Variants in ACTA2 observed in about 807,000 individuals in gnomAD.
The protein encoded by ACTA2 is actin, aortic smooth muscle.
In ACTA2, 12 loss-of-function variants were observed where a neutral mutation model predicts 39.5. The observed-to-expected ratio is 0.30, with a 90% CI of 0.19 to 0.49. The LOEUF (loss-of-function observed/expected upper bound fraction) is 0.49. Ranked by LOEUF, ACTA2 falls within the 20% of genes least tolerant of loss-of-function variation. The pLI, the probability that ACTA2 is intolerant of heterozygous loss-of-function variation, is 0.99. For missense variants in ACTA2, 236 were observed against 498.8 expected, an observed-to-expected ratio of 0.47 and a Z score of 5.02; for synonymous variants, 158 against 180.6, an observed-to-expected ratio of 0.88 and a Z score of 1.00.
chr10:88,947,080 T>G (rs1240731007), intron 3 of ACTA2, 178 bp downstream of exon 3: 2 of 853,610 alleles, frequency 2.3e-6, no homozygotes, highest in East Asian at 2.7e-5. Context: ...CTCATCATTT[T>G]TTATGGCTAC....
upstream of ACTA2, among the ~76,000 whole-genome samples, chr10:88,954,179 C>T (rs1330828980): frequency 2.6e-5 from 4 of 152,138 alleles, no homozygotes; most frequent in Non-Finnish European, 5.9e-5. Flanking sequence ...TATTTTACAG[C>T]CATGACCAGC....
chr10:88,986,695 G>GCAGGAAGGAAGTGGTA lies in ACTA2; in HGVS notation c.-24+4228_-24+4243dup, dbSNP rs1171650787. On this transcript the variant is annotated intron_variant, in intron 1 of 4. Coordinates refer to the ACTA2 transcript ENST00000415557. ...GGAAGTAGTGCAGGAAGGAAGTAGT[G>GCAGGAAGGAAGTGGTA]CAGGAAGGAAGTGGTACAGGAAGGA... 7.4e-3 allele frequency among the ~76,000 whole-genome samples: 535 copies of GCAGGAAGGAAGTGGTA among 72,186 alleles called. 5 individuals carry two copies. The highest frequency in any genetic ancestry group is 0.011 in the Non-Finnish European group (381 of 34,024). The allele number at this position is 72,186 out of a possible 152,430, so 47.4% of individuals were successfully genotyped here.
chr10:88,988,531 A>G (rs1420206597), intron 1 of ACTA2, among the ~76,000 whole-genome samples: 2 of 151,266 alleles, frequency 1.3e-5, no homozygotes, highest in Non-Finnish European at 2.9e-5. Flanking sequence ...TCTTTTGAGT[A>G]GAAGCTTTAA....
intron 1 of ACTA2, among the ~76,000 whole-genome samples, chr10:88,978,779 C>G (rs896854680): frequency 6.6e-6 from 1 of 152,114 alleles, no homozygotes; most frequent in Non-Finnish European, 1.5e-5. Context: ...CAAATTCATG[C>G]TAAATTGTTC....
chr10:88,970,109 T>A (rs1278737835), intron 1 of ACTA2, among the ~76,000 whole-genome samples: 1 of 152,316 alleles, frequency 6.6e-6, no homozygotes, highest in South Asian at 2.1e-4. Context: ...AGTCCATAAA[T>A]CCCTTATACT....
chr10:88,941,142 A>G, intron 6 of ACTA2, 87 bp downstream of exon 6: 2 of 1,561,232 alleles, frequency 1.3e-6, no homozygotes, highest in African/African-American at 1.4e-5. Context: ...ACTTCATCCC[A>G]TCATCTCCTT....
chr10:88,940,868 G>C (rs934458823), intron 6 of ACTA2: 1 of 342,636 alleles, frequency 2.9e-6, no homozygotes, highest in African/African-American at 2.1e-5. Context: ...GAGCTACTGA[G>C]TAGCAGAGTT....
Position 88,978,572 on chromosome 10 carries a change from T to G in ACTA2, c.-24+12367A>C, listed in dbSNP as rs534190554. Among the ~76,000 whole-genome samples, 12 of 152,306 alleles carry G rather than the reference T, an allele frequency of 7.9e-5. No homozygotes were observed. In the East Asian group the frequency reaches 2.3e-3, roughly 29 times the overall value. On this transcript the variant is annotated intron_variant, in intron 1 of 4. Transcript: ENST00000415557. ...AAGTGGTAAGAGAGAGAAAAGATTC[T>G]GTTCTATTGAAAGCCAATCTCAATG...
intron 1 of ACTA2, among the ~76,000 whole-genome samples, chr10:88,981,722 A>G (rs1846717402): frequency 6.6e-6 from 1 of 152,142 alleles, no homozygotes; most frequent in South Asian, 2.1e-4. Flanking sequence ...TAGATAAAAG[A>G]TTGGGCAAAG....
chr10:88,938,132 T>G lies in ACTA2; in HGVS notation c.919A>C (p.Met307Leu). ...ATTCGGTCGGCAATGCCAGGGTACA[T>G]AGTGGTGCCCCCTGATAGGACATTG... Reference protein sequence around the residue: ...ANNVLSGGTTMYPGIADRMQK... With the variant: ...ANNVLSGGTTLYPGIADRMQK... Residue 307 changes from methionine to leucine, a missense_variant, in exon 8 of 9, where the codon ATG becomes CTG. By Grantham distance (15) the Met-to-Leu change is conservative. Coordinates refer to ENST00000224784, the MANE Select transcript of ACTA2 (RefSeq NM_001613.4). 6.2e-7 allele frequency: 1 copy of G among 1,614,058 alleles called. No homozygotes were observed. Among genetic ancestry groups the G allele is most frequent in the South Asian group, 1.1e-5 (1 of 91,080 alleles).
At chr10:88,950,947 T>C (rs1846038967) in intron 1 of ACTA2, among the ~76,000 whole-genome samples, 1 of 152,244 alleles carries the variant, frequency 6.6e-6, no homozygotes, top group Non-Finnish European at 1.5e-5. Context: ...ATTTTCATTA[T>C]CCAGAACTCT....
At chr10:88,935,809 G>C (rs1005085371) in intron 8 of ACTA2, among the ~76,000 whole-genome samples, 5 of 152,154 alleles carry the variant, frequency 3.3e-5, no homozygotes, top group African/African-American at 1.2e-4. Context: ...GTTTCCACGT[G>C]GTGAAGTGAA....
At chr10:88,938,458 G>A in intron 7 of ACTA2, 1 of 579,560 alleles carries the variant, frequency 1.7e-6, no homozygotes, top group East Asian at 3.0e-5. Flanking sequence ...GCAGCATCCT[G>A]AGGTGTGGGC....
intron 1 of ACTA2, among the ~76,000 whole-genome samples, chr10:88,950,948 C>A (rs1318632147): frequency 6.6e-6 from 1 of 152,140 alleles, no homozygotes; most frequent in African/African-American, 2.4e-5. Context: ...TTTTCATTAT[C>A]CAGAACTCTT....
At chr10:88,977,052 T>C (rs532902728) in intron 1 of ACTA2, among the ~76,000 whole-genome samples, 7 of 152,350 alleles carry the variant, frequency 4.6e-5, no homozygotes, top group African/African-American at 1.7e-4. Context: ...TCTAATGAAT[T>C]AATGCTTGTG....
At chr10:88,951,789 G>A (rs1280792330) in intron 1 of ACTA2, among the ~76,000 whole-genome samples, 1 of 152,220 alleles carries the variant, frequency 6.6e-6, no homozygotes, top group African/African-American at 2.4e-5. Context: ...GAACAGTACA[G>A]TTCCCAGCTC....
intron 1 of ACTA2, among the ~76,000 whole-genome samples, chr10:88,982,059 T>G (rs147509588): frequency 6.6e-6 from 1 of 152,224 alleles, no homozygotes; most frequent in East Asian, 1.9e-4. Context: ...TTAACTGGTA[T>G]GTGTTAGTTC....
exon 1 of ACTA2, chr10:88,991,032 C>A: frequency 7.7e-7 from 1 of 1,295,198 alleles, no homozygotes; most frequent in East Asian, 2.5e-5. Flanking sequence ...CTGGGAGCGG[C>A]GGGCTGCTGC....
At chr10:88,939,472 C>T (rs755519566) in intron 7 of ACTA2, 35 bp downstream of exon 7, 2 of 1,610,458 alleles carry the variant, frequency 1.2e-6, no homozygotes, top group African/African-American at 1.3e-5. Flanking sequence ...AAGACAATGA[C>T]TCCCCTTCCC....
Sources: gnomAD v4.1 joint callset for allele counts (sites outside exome capture counted in the v4.1 genomes callset) on GRCh38, gnomAD v4.1.1 for gene constraint, MANE v1.5 for transcripts, NCBI Gene and HGNC (gene_info 2026-07-23, HGNC 2026-07-21) for gene names.